SVEP1: variants seen among roughly 807,000 people sequenced by gnomAD.
The protein encoded by SVEP1 is sushi, von Willebrand factor type A, EGF and pentraxin domain-containing protein 1.
Under a neutral mutation model 367.3 loss-of-function variants are expected in SVEP1, and 164 were observed. The ratio of observed to expected loss-of-function variants is 0.45; its 90% CI spans 0.39 to 0.51. The LOEUF (loss-of-function observed/expected upper bound fraction) is 0.51. SVEP1 is among the 20% of genes least tolerant of loss of function. The pLI is 0.00. For missense variants in SVEP1, 4,117 were observed against 4,425.3 expected, an observed-to-expected ratio of 0.93 and a Z score of 1.98; for synonymous variants, 1,666 against 1,611.6, an observed-to-expected ratio of 1.03 and a Z score of -0.81.
chr9:110,578,925 A>T (rs1830657714), intron 1 of SVEP1, 88 bp downstream of exon 1: 1 of 1,442,234 alleles, frequency 6.9e-7, no homozygotes, highest in Non-Finnish European at 9.3e-7. Flanking sequence ...CTTGCCCAGG[A>T]CTGAACCCCG....
chr9:110,427,705 G>C lies in SVEP1; in HGVS notation c.5861C>G (p.Ala1954Gly). ...GAAGACGAGGTGACAGGCAGGTGGC[G>C]CTCTGTCCCAGATGCCAGAAGCCGT... ...ECTASGIWDR[A>G]PPACHLVFCG... Residue 1954 changes from alanine to glycine, a missense_variant, in exon 36 of 48, where the codon GCG becomes GGG. This residue lies in a region of SVEP1 where 2,174 missense variants were observed against 2,494.3 expected (regional missense o/e 0.87). Transcript: ENST00000374469. The C allele has an allele frequency of 6.2e-7, 1 of 1,613,854 alleles. No homozygotes were observed. The highest frequency in any genetic ancestry group is 2.2e-5 in the East Asian group (1 of 44,870).
At chr9:110,522,528 A>G (rs1458859870) in intron 3 of SVEP1, among the ~76,000 whole-genome samples, 1 of 152,212 alleles carries the variant, frequency 6.6e-6, no homozygotes, top group East Asian at 1.9e-4. Flanking sequence ...ACCACCCAGC[A>G]CATAAGTATT....
In SVEP1 at chr9:110,407,278, T is replaced by A. The variant is rs1336396915; in HGVS notation, c.8322A>T (p.Ser2774=). 3 of 1,613,890 alleles carry A rather than the reference T, an allele frequency of 1.9e-6. No individual in the cohort carries two copies. The highest frequency in any genetic ancestry group is 2.7e-5 in the African/African-American group (2 of 74,944). ...SGASPRCEAI[S]CKKPNPVMNG... ...TCATGACTGGATTTGGCTTTTTGCATGAAATGGCTTCACAGCGTGGGGAGG... is the reference window on the plus strand; with the variant it reads ...TCATGACTGGATTTGGCTTTTTGCAAGAAATGGCTTCACAGCGTGGGGAGG... The change falls in exon 38 of 48, where the codon TCA becomes TCT. Residue 2774 remains serine, a synonymous_variant. Transcript: ENST00000374469.
chr9:110,562,840 C>T (rs1830448459), intron 1 of SVEP1, among the ~76,000 whole-genome samples: 1 of 152,122 alleles, frequency 6.6e-6, no homozygotes, highest in South Asian at 2.1e-4. Context: ...CAGGTGCCTG[C>T]CACCGCACCC....
intron 31 of SVEP1, 81 bp downstream of exon 31, chr9:110,432,381 C>T: frequency 6.6e-7 from 1 of 1,504,892 alleles, no homozygotes; most frequent in South Asian, 1.4e-5. Context: ...AGCAATGCCT[C>T]AAGAACCTCA....
intron 36 of SVEP1, among the ~76,000 whole-genome samples, chr9:110,424,174 T>C (rs1163380492): frequency 1.3e-5 from 2 of 152,226 alleles, no homozygotes; most frequent in Non-Finnish European, 2.9e-5. Context: ...TTCTTTTACA[T>C]GTGTGCCAGG....
At chr9:110,455,823 G>GT in intron 21 of SVEP1, 120 bp from the exon 22 acceptor site, 1 of 307,726 alleles carries the variant, frequency 3.2e-6, no homozygotes, top group East Asian at 6.8e-5. Flanking sequence ...AGTGGTAAAG[G>GT]GTAATATTCA....
At chr9:110,423,884 T>C (rs1828213311) in intron 36 of SVEP1, among the ~76,000 whole-genome samples, 2 of 152,212 alleles carry the variant, frequency 1.3e-5, no homozygotes, top group African/African-American at 2.4e-5. Flanking sequence ...GTATACCCAG[T>C]TAAACTACAA....
At chr9:110,497,096 A>C (rs1829462290) in intron 7 of SVEP1, among the ~76,000 whole-genome samples, 163 bp from the exon 8 acceptor site, 1 of 152,170 alleles carries the variant, frequency 6.6e-6, no homozygotes, top group South Asian at 2.1e-4. Flanking sequence ...CTGATCATTT[A>C]TCTCAGCATG....
chr9:110,368,592 TTTTC>T (rs1203987494), intron 47 of SVEP1, among the ~76,000 whole-genome samples: 1 of 152,238 alleles, frequency 6.6e-6, no homozygotes, highest in African/African-American at 2.4e-5. Flanking sequence ...CTCTCTGGGC[TTTTC>T]TTTATCTGAA....
chr9:110,465,993 C>T lies in SVEP1; in HGVS notation c.3194G>A (p.Gly1065Glu). The T allele has an allele frequency of 6.2e-7, 1 of 1,613,518 alleles. No individual in the cohort carries two copies. Among genetic ancestry groups the T allele is most frequent in the Non-Finnish European group, 8.5e-7 (1 of 1,179,718 alleles). Residue 1065 changes from glycine to glutamate, a missense_variant, in exon 18 of 48, where the codon GGA becomes GAA. Physicochemically the swap from Gly to Glu is moderately conservative, Grantham distance 98 (BLOSUM62 -2). Around this residue, in one of 4 missense-constraint regions of SVEP1, gnomAD observed 2,174 missense variants for 2,494.3 expected, o/e 0.87. Coordinates refer to ENST00000374469, the MANE Select transcript of SVEP1 (RefSeq NM_153366.4). ...QCKQGTYSYS[G>E]LETCESCPLG... is the part of the protein sequence containing the mutation. ...TGGACACGATTCACAAGTCTCAAGTCCACTGTATGAGTAGGTGCCTTGTTT... is the reference window on the plus strand; with the variant it reads ...TGGACACGATTCACAAGTCTCAAGTTCACTGTATGAGTAGGTGCCTTGTTT...
At chr9:110,449,282 T>C (rs1828654936) in intron 24 of SVEP1, among the ~76,000 whole-genome samples, 1 of 152,230 alleles carries the variant, frequency 6.6e-6, no homozygotes. Flanking sequence ...AAAGCTTAGC[T>C]TTGATTATTT....
intron 24 of SVEP1, 91 bp downstream of exon 24, chr9:110,449,968 G>A: frequency 7.1e-7 from 1 of 1,410,782 alleles, no homozygotes; most frequent in Non-Finnish European, 9.8e-7. Flanking sequence ...TGACTGACTT[G>A]AGACTCAAAG....
intron 3 of SVEP1, among the ~76,000 whole-genome samples, chr9:110,532,190 T>C (rs967415902): frequency 6.6e-6 from 1 of 152,138 alleles, no homozygotes; most frequent in Non-Finnish European, 1.5e-5. Flanking sequence ...TAGGAGAGGC[T>C]ATAAAAAAAT....
At chr9:110,468,845 G>C (rs973207159) in intron 17 of SVEP1, 95 bp downstream of exon 17, 10 of 1,261,864 alleles carry the variant, frequency 7.9e-6, no homozygotes, top group Non-Finnish European at 1.1e-5. Context: ...TCAGACAAGA[G>C]CCGAGTGTTG....
chr9:110,399,012 T>C, intron 40 of SVEP1, among the ~76,000 whole-genome samples: 1 of 152,178 alleles, frequency 6.6e-6, no homozygotes, highest in Non-Finnish European at 1.5e-5. Context: ...CCCAAAGGAT[T>C]ATAAATCATG....
intron 18 of SVEP1, 130 bp downstream of exon 18, chr9:110,465,735 C>A: frequency 1.6e-6 from 2 of 1,226,338 alleles, no homozygotes; most frequent in Non-Finnish European, 2.2e-6. Context: ...AAAAAAACCT[C>A]TTTATGAAGA....
chr9:110,378,736 G>T lies in SVEP1; in HGVS notation c.10408+611C>A, dbSNP rs1170477104. Among the ~76,000 whole-genome samples the T allele has an allele frequency of 3.0e-5, 4 of 134,486 alleles. No homozygotes were observed. The Admixed American group carries it at 3.4e-4, about 11-fold the overall frequency. The allele number at this position is 134,486 out of a possible 152,430, so 88.2% of individuals were successfully genotyped here. On this transcript the variant is annotated intron_variant, in intron 44 of 47. Transcript: ENST00000374469. ...TGAGAACACATGGACACAGGAAGGG[G>T]AACATCACACTCTGGGGACTGTTGT...
intron 3 of SVEP1, among the ~76,000 whole-genome samples, chr9:110,541,779 CTATATACATAGATATCTATATAT>C (rs1266238445): frequency 6.9e-6 from 1 of 145,896 alleles, no homozygotes; most frequent in Non-Finnish European, 1.5e-5. Context: ...CTATATATAT[CTATATACATAGATATCTATATAT>C]ATCTATATAC....
Sources: allele counts gnomAD v4.1 joint callset (sites outside exome capture counted in the v4.1 genomes callset), GRCh38; gene constraint gnomAD v4.1.1; regional missense constraint gnomAD v4.1.1; transcripts MANE v1.5; gene names NCBI Gene and HGNC (gene_info 2026-07-23, HGNC 2026-07-21).